OCA2: variants seen among roughly 807,000 people sequenced by gnomAD.
OCA2 encodes the protein OCA2 melanosomal transmembrane protein, also known as P protein.
Under a neutral mutation model 100.2 loss-of-function variants are expected in OCA2, and 77 were observed. That is an observed-to-expected ratio of 0.77 (90% CI 0.64 to 0.93). The LOEUF is 0.93. Ranked by LOEUF, OCA2 falls within the 40% of genes least tolerant of loss-of-function variation. The pLI is 0.00. For synonymous variants in OCA2, 432 were observed against 439.2 expected (o/e 0.98, Z 0.21); for missense variants, 1,062 against 1,089.1 (o/e 0.98, Z 0.35).
chr15:27,749,318 C>T, the OCA2 span, among the ~76,000 whole-genome samples: 2 of 152,134 alleles, frequency 1.3e-5, no homozygotes, highest in African/African-American at 2.4e-5. Context: ...GAGCATTTCT[C>T]AAGGGCTGAA....
chr15:27,967,010 G>C (rs1281005142), intron 14 of OCA2, among the ~76,000 whole-genome samples, 188 bp from the exon 15 acceptor site: 1 of 152,190 alleles, frequency 6.6e-6, no homozygotes, highest in Non-Finnish European at 1.5e-5. Flanking sequence ...GGTGCCTGTA[G>C]TCCCAGCTAC....
rs1034863880 is a variant in OCA2, at chr15:28,081,717, C to G, written c.158G>C (p.Arg53Thr). ...GGADPSHSCP[R>T]GAAGQSSWAP... Reference sequence around the variant, plus strand: ...CCAAGAGCTCTGCCCGGCAGCCCCCCTGGGGCAGGAGTGCGAGGGGTCAGC... The same window carrying G: ...CCAAGAGCTCTGCCCGGCAGCCCCCGTGGGGCAGGAGTGCGAGGGGTCAGC... The change falls in exon 2 of 24, where the codon AGG becomes ACG. Residue 53 changes from arginine to threonine, a missense_variant. By Grantham distance (71) the Arg-to-Thr change is moderately conservative. Transcript: ENST00000354638. 1 of 1,613,782 alleles carries G rather than the reference C, an allele frequency of 6.2e-7. No homozygotes were observed. The highest frequency in any genetic ancestry group is 8.5e-7 in the Non-Finnish European group (1 of 1,179,940).
chr15:27,914,473 G>A (rs994411708), intron 19 of OCA2, among the ~76,000 whole-genome samples: 6 of 151,812 alleles, frequency 4.0e-5, no homozygotes, highest in Non-Finnish European at 8.8e-5. Context: ...CCATAGTCTT[G>A]GCCCAAAAGC....
intron 22 of OCA2, among the ~76,000 whole-genome samples, chr15:27,848,258 G>A (rs1352857229): frequency 1.3e-5 from 2 of 152,212 alleles, no homozygotes; most frequent in Non-Finnish European, 2.9e-5. Context: ...GAAATGCAGG[G>A]AGTCTGCTTC....
chr15:27,927,153 G>A (rs1169126911), intron 18 of OCA2, among the ~76,000 whole-genome samples: 3 of 152,108 alleles, frequency 2.0e-5, no homozygotes, highest in Admixed American at 2.0e-4. Flanking sequence ...GCTGGATGTG[G>A]TAGCACATGC....
intron 19 of OCA2, among the ~76,000 whole-genome samples, chr15:27,908,509 T>C (rs893214009): frequency 4.6e-5 from 7 of 152,232 alleles, no homozygotes; most frequent in African/African-American, 1.2e-4. Flanking sequence ...ATCCTGACAC[T>C]TGGAGATTTT....
chr15:28,026,389 G>A (rs111745305), intron 4 of OCA2, among the ~76,000 whole-genome samples: 1,735 of 152,298 alleles, frequency 0.011, 35 homozygotes, highest in African/African-American at 0.039. Flanking sequence ...TTGCCATCTT[G>A]TTGACCCATG....
At chr15:27,826,807 A>G (rs2034742779) in intron 23 of OCA2, among the ~76,000 whole-genome samples, 1 of 152,250 alleles carries the variant, frequency 6.6e-6, no homozygotes, top group South Asian at 2.1e-4. Flanking sequence ...ACTAGCTATT[A>G]AACACCGGAG....
intron 2 of OCA2, among the ~76,000 whole-genome samples, chr15:28,064,071 A>G (rs1204000242): frequency 1.3e-5 from 2 of 152,104 alleles, no homozygotes; most frequent in Non-Finnish European, 1.5e-5. Flanking sequence ...CAGATATAGA[A>G]TTTTTAGTTG....
At chr15:27,829,036 A>C (rs1039802249) in intron 23 of OCA2, among the ~76,000 whole-genome samples, 2 of 152,192 alleles carry the variant, frequency 1.3e-5, no homozygotes, top group African/African-American at 4.8e-5. Flanking sequence ...GGCCAAGAGA[A>C]ACAGCAGCTC....
chr15:27,720,283 GGA>G, the OCA2 span, among the ~76,000 whole-genome samples: 3 of 151,846 alleles, frequency 2.0e-5, no homozygotes, highest in Non-Finnish European at 4.4e-5. Context: ...ACTACTTAGG[GGA>G]GAGAGAAAGA....
At chr15:27,813,396 AC>A (rs1288180127) in intron 23 of OCA2, among the ~76,000 whole-genome samples, 2 of 152,154 alleles carry the variant, frequency 1.3e-5, no homozygotes, top group Non-Finnish European at 1.5e-5. Flanking sequence ...ACACAGGCAC[AC>A]ATATGCATCC....
chr15:27,856,061 C>G (rs1466231977), intron 21 of OCA2, among the ~76,000 whole-genome samples: 1 of 152,158 alleles, frequency 6.6e-6, no homozygotes, highest in East Asian at 1.9e-4. Context: ...TTCCTTGCCC[C>G]ACTGGTGTCT....
chr15:27,870,723 A>G (rs138026402), intron 21 of OCA2, among the ~76,000 whole-genome samples: 1 of 70,596 alleles, frequency 1.4e-5, no homozygotes, highest in Non-Finnish European at 2.7e-5. Flanking sequence ...AAGGAAGGAA[A>G]GAAGGAAGGA....
chr15:27,818,554 G>A (rs1402281791), intron 23 of OCA2, among the ~76,000 whole-genome samples: 2 of 152,146 alleles, frequency 1.3e-5, no homozygotes, highest in African/African-American at 4.8e-5. Context: ...AGAGTCTTGA[G>A]AGGCTTCTGA....
At chr15:27,854,893 T>C (rs1327555996) in intron 21 of OCA2, among the ~76,000 whole-genome samples, 1 of 152,090 alleles carries the variant, frequency 6.6e-6, no homozygotes, top group African/African-American at 2.4e-5. Context: ...TGGGTCCTTG[T>C]GGGGGCATTG....
rs1035862525 is a variant in OCA2 at position 27,994,568 on chromosome 15, C to T, written c.1045-3921G>A. Among the ~76,000 whole-genome samples the T allele has an allele frequency of 1.7e-4, 26 of 152,194 alleles. 1 individual carries two copies. The highest frequency in any genetic ancestry group is 1.9e-4 in the Non-Finnish European group (13 of 68,044). On this transcript the variant is annotated intron_variant, in intron 9 of 23. Coordinates refer to ENST00000354638, the MANE Select transcript of OCA2 (RefSeq NM_000275.3). Reference sequence around the variant, plus strand: ...TTCTATCACTGCACTCCTCTCTGGTCGAGCCGACACTCTGTGCCTATGAGT... The same window carrying T: ...TTCTATCACTGCACTCCTCTCTGGTTGAGCCGACACTCTGTGCCTATGAGT...
intron 4 of OCA2, among the ~76,000 whole-genome samples, chr15:28,026,371 G>A (rs1248390933): frequency 6.6e-6 from 1 of 152,196 alleles, no homozygotes; most frequent in African/African-American, 2.4e-5. Flanking sequence ...CATGAACAGT[G>A]TCAGCGTTTG....
the OCA2 span, among the ~76,000 whole-genome samples, chr15:27,721,913 CT>C: frequency 6.6e-6 from 1 of 152,194 alleles, no homozygotes; most frequent in South Asian, 2.1e-4. Context: ...TACACACCCA[CT>C]TTTTAAAAAT....
Sources: allele counts gnomAD v4.1 joint callset (sites outside exome capture counted in the v4.1 genomes callset), GRCh38; gene constraint gnomAD v4.1.1; transcripts MANE v1.5; gene names NCBI Gene and HGNC (gene_info 2026-07-23, HGNC 2026-07-21).